The following SEC14L1 variants were observed in gnomAD, a reference collection of about 807,000 sequenced individuals.
SEC14L1 encodes the protein SEC14-like protein 1.
A neutral mutation model predicts 85.3 loss-of-function variants in SEC14L1; 48 were observed. That is an observed-to-expected ratio of 0.56 (90% CI 0.45 to 0.72). SEC14L1 has a LOEUF of 0.72. Ranked by LOEUF, SEC14L1 falls within the 30% of genes least tolerant of loss-of-function variation. The probability of loss-of-function intolerance (pLI) is 0.00; values close to 1 mark genes in which losing one functional copy is unlikely to be tolerated. For synonymous variants in SEC14L1, 391 were observed against 355.5 expected (o/e 1.10, Z -1.12); for missense variants, 682 against 921.4 (o/e 0.74, Z 3.36).
chr17:77,151,149 G>T (rs77881777), intron 3 of SEC14L1, among the ~76,000 whole-genome samples: 466 of 152,208 alleles, frequency 3.1e-3, no homozygotes, highest in Non-Finnish European at 5.1e-3. Flanking sequence ...CTACTTTTTG[G>T]GGTAGGTGAC....
chr17:77,152,027 G>A (rs1973582406), intron 3 of SEC14L1, among the ~76,000 whole-genome samples: 1 of 152,156 alleles, frequency 6.6e-6, no homozygotes, highest in Non-Finnish European at 1.5e-5. Context: ...CTAGGCTGGA[G>A]TGTAGTGGCA....
intron 2 of SEC14L1, among the ~76,000 whole-genome samples, chr17:77,143,138 CT>C (rs1347305782): frequency 3.5e-4 from 54 of 152,172 alleles, no homozygotes; most frequent in African/African-American, 1.2e-3. Context: ...TTTCCCAGAG[CT>C]AATATCTTAA....
At position 77,159,170 on chromosome 17, in the gene SEC14L1, A is replaced by G. The variant is rs529589090; in HGVS notation, c.63+15511A>G. ...CAGCCTCCACCTCCTGGGTCAAGCA[A>G]TTCTCCTGCCTCAGCCTCCCAAGTA... On this transcript the variant is annotated intron_variant, in intron 3 of 16. Coordinates refer to ENST00000436233, the MANE Select transcript of SEC14L1 (RefSeq NM_001143998.2). 1.7e-3 allele frequency among the ~76,000 whole-genome samples: 252 copies of G among 150,510 alleles called. 1 individual carries two copies. The highest frequency in any genetic ancestry group is 5.6e-3 in the African/African-American group (230 of 40,906).
At chr17:77,196,127 C>T in intron 7 of SEC14L1, 75 bp from the exon 8 acceptor site, 1 of 1,157,558 alleles carries the variant, frequency 8.6e-7, no homozygotes, top group Non-Finnish European at 1.3e-6. Context: ...CACGTTAACT[C>T]CACTGAGCAC....
At chr17:77,114,481 G>A (rs1161923199) in intron 3 of SEC14L1, among the ~76,000 whole-genome samples, 12 of 150,478 alleles carry the variant, frequency 8.0e-5, no homozygotes, top group Admixed American at 2.7e-4. Context: ...CCGAGATCGC[G>A]CCACTGCACT....
At chr17:77,189,868 T>C (rs760482015) in intron 3 of SEC14L1, among the ~76,000 whole-genome samples, 1 of 152,218 alleles carries the variant, frequency 6.6e-6, no homozygotes, top group Non-Finnish European at 1.5e-5. Context: ...GACCTCATGA[T>C]CTGCCCACCT....
Position 77,206,692 on chromosome 17 carries a change from G to A in SEC14L1, c.1342-36G>A. 6.4e-7 allele frequency: 1 copy of A among 1,564,954 alleles called. No individual in the cohort carries two copies. Among genetic ancestry groups the A allele is most frequent in the Non-Finnish European group, 8.6e-7 (1 of 1,157,844 alleles). On this transcript the variant is annotated intron_variant, in intron 12 of 16. Transcript: ENST00000436233. The surrounding 1 kb of genome is among the most constrained non-coding windows in gnomAD (Gnocchi z 4.3). ...TTTAATCTTGGACACTCAGGCAGCA[G>A]AGAAATATGACTGCATGGTCTTCTC...
rs1314750655 is a variant in SEC14L1, at chr17:77,213,722, A to G, written c.2043-196A>G. The stretch of plus-strand genomic sequence containing the variant: ...ACTGACTGCCTTTGCTTTAGCTCAC[A>G]CTGCCGTCTGCGTGCAGGCTGTGGG... On this transcript the variant is annotated intron_variant, in intron 16 of 16. Coordinates refer to ENST00000436233, the MANE Select transcript of SEC14L1 (RefSeq NM_001143998.2). The surrounding 1 kb of genome is among the most constrained non-coding windows in gnomAD (Gnocchi z 7.1). 1.3e-5 allele frequency: 11 copies of G among 862,752 alleles called. No homozygotes were observed. Among genetic ancestry groups the G allele is most frequent in the East Asian group, 2.6e-5 (1 of 37,956 alleles). The allele number at this position is 862,752 out of a possible 1,614,324, so 53.4% of individuals were successfully genotyped here.
intron 3 of SEC14L1, among the ~76,000 whole-genome samples, chr17:77,171,300 A>G (rs1342948627): frequency 6.6e-6 from 1 of 152,044 alleles, no homozygotes; most frequent in African/African-American, 2.4e-5. Flanking sequence ...ATCTGGTAAT[A>G]TTCGTTTTTC....
chr17:77,209,580 T>C, intron 14 of SEC14L1, 104 bp downstream of exon 14: 1 of 1,227,868 alleles, frequency 8.1e-7, no homozygotes, highest in Admixed American at 2.8e-5. Flanking sequence ...GTCCACTCGT[T>C]TTTCTGCTCT....
At chr17:77,132,681 C>T (rs945841831) in intron 3 of SEC14L1, among the ~76,000 whole-genome samples, 1 of 152,168 alleles carries the variant, frequency 6.6e-6, no homozygotes, top group African/African-American at 2.4e-5. Context: ...AATTAGCTGG[C>T]CCTGACTCTC....
chr17:77,151,600 AAAAC>A (rs1475784713), intron 3 of SEC14L1, among the ~76,000 whole-genome samples: 2 of 152,226 alleles, frequency 1.3e-5, no homozygotes, highest in Non-Finnish European at 1.5e-5. Context: ...GGTTTTTATA[AAAAC>A]AAACAAACCC....
intron 3 of SEC14L1, among the ~76,000 whole-genome samples, chr17:77,181,705 C>T (rs1288589841): frequency 6.6e-6 from 1 of 152,180 alleles, no homozygotes; most frequent in African/African-American, 2.4e-5. Flanking sequence ...CGTGAGCCAC[C>T]CCACCCAGCT....
At chr17:77,177,068 C>T (rs1974787787) in intron 3 of SEC14L1, among the ~76,000 whole-genome samples, 1 of 151,964 alleles carries the variant, frequency 6.6e-6, no homozygotes, top group Non-Finnish European at 1.5e-5. Context: ...GTTATTAGGA[C>T]ATAAATGCTT....
intron 3 of SEC14L1, among the ~76,000 whole-genome samples, chr17:77,097,424 C>A (rs751335395): frequency 6.6e-6 from 1 of 152,106 alleles, no homozygotes; most frequent in African/African-American, 2.4e-5. Context: ...ATTAGCCGGG[C>A]GTAGTGGCGC....
rs3744064 is a variant in SEC14L1, at chr17:77,215,126, C to T, written c.*1103C>T. On this transcript the variant is annotated 3_prime_UTR_variant, in exon 17 of 17. Transcript: ENST00000436233. Reference sequence around the variant, plus strand: ...CATGACGGTGGGGGTGCTGGGGGGACGGGGTGAGTGGAAACTTAGTTTGAG... The same window carrying T: ...CATGACGGTGGGGGTGCTGGGGGGATGGGGTGAGTGGAAACTTAGTTTGAG... The T allele has an allele frequency of 0.028, 27,546 of 984,906 alleles. 417 individuals carry two copies. Among genetic ancestry groups the T allele is most frequent in the South Asian group, 0.065 (1,381 of 21,316 alleles). The allele number at this position is 984,906 out of a possible 1,614,324, so 61.0% of individuals were successfully genotyped here. A position where few individuals can be genotyped will look rare whatever the true frequency, so the allele number is the denominator to read the frequency against.
Position 77,206,937 on chromosome 17 carries a change from T to C in SEC14L1, c.1476+75T>C. ...AGAGGTCGGTGTCGATTTGCACAAA[T>C]GATTTTCAGAACTTCCAGTTGTTTG... On this transcript the variant is annotated intron_variant, in intron 13 of 16. Transcript: ENST00000436233. The surrounding 1 kb of genome is among the most constrained non-coding windows in gnomAD (Gnocchi z 4.3). The C allele has an allele frequency of 7.3e-7, 1 of 1,374,296 alleles. No individual in the cohort carries two copies. The highest frequency in any genetic ancestry group is 1.5e-5 in the African/African-American group (1 of 68,428). 85.1% of individuals were successfully genotyped at this position (1,374,296 alleles called of 1,614,324 possible). A position where few individuals can be genotyped will look rare whatever the true frequency, so the allele number is the denominator to read the frequency against.
intron 3 of SEC14L1, among the ~76,000 whole-genome samples, chr17:77,135,714 A>G (rs1207782337): frequency 2.0e-5 from 3 of 150,794 alleles, no homozygotes; most frequent in Non-Finnish European, 4.4e-5. Context: ...TTTTTTAAAA[A>G]TTGTTTGTAG....
chr17:77,132,856 T>G (rs537451754), intron 3 of SEC14L1, among the ~76,000 whole-genome samples: 2 of 151,968 alleles, frequency 1.3e-5, no homozygotes, highest in Admixed American at 1.3e-4. Context: ...TCCTCCTTTT[T>G]TTTTTTTCTT....
Sources: allele counts gnomAD v4.1 joint callset (sites outside exome capture counted in the v4.1 genomes callset), GRCh38; gene constraint gnomAD v4.1.1; non-coding constraint Gnocchi (gnomAD v3.1); transcripts MANE v1.5; gene names NCBI Gene and HGNC (gene_info 2026-07-23, HGNC 2026-07-21).